Variants in ARMC2 observed in about 807,000 individuals in gnomAD.
ARMC2 encodes armadillo repeat containing 2, also known as armadillo repeat-containing protein 2.
In ARMC2, 67 loss-of-function variants were observed where a neutral mutation model predicts 90.3. That is an observed-to-expected ratio of 0.74 (90% CI 0.61 to 0.91). The LOEUF (loss-of-function observed/expected upper bound fraction) is 0.91, where lower values mean the gene tolerates loss of function less well. Among genes scored for constraint, ARMC2 ranks in the 40% least tolerant of loss-of-function variants. ARMC2 has a pLI of 0.00. For missense variants in ARMC2, 920 were observed against 1,030.9 expected, an observed-to-expected ratio of 0.89 and a Z score of 1.47; for synonymous variants, 393 against 393.0, an observed-to-expected ratio of 1.00 and a Z score of 0.00.
intron 7 of ARMC2, among the ~76,000 whole-genome samples, chr6:108,900,319 C>T (rs1771996872): frequency 6.6e-6 from 1 of 152,228 alleles, no homozygotes; most frequent in African/African-American, 2.4e-5. Context: ...CTCTGAACTG[C>T]CCCAGAAGTG....
intron 12 of ARMC2, among the ~76,000 whole-genome samples, chr6:108,952,210 A>G (rs1414158414): frequency 6.6e-6 from 1 of 152,230 alleles, no homozygotes; most frequent in Non-Finnish European, 1.5e-5. Context: ...CTGGACTCAT[A>G]TGTGGACATT....
At chr6:108,920,629 T>C (rs529725814) in intron 10 of ARMC2, among the ~76,000 whole-genome samples, 1 of 152,208 alleles carries the variant, frequency 6.6e-6, no homozygotes, top group East Asian at 1.9e-4. Context: ...CCTTGGGTTT[T>C]TTACTTGGAA....
At chr6:108,929,147 A>G (rs1003853515) in intron 11 of ARMC2, among the ~76,000 whole-genome samples, 4 of 151,768 alleles carry the variant, frequency 2.6e-5, no homozygotes, top group African/African-American at 7.3e-5. Flanking sequence ...TTCCCTCCAG[A>G]TCTGATCTTT....
At chr6:109,007,720 TAACA>T in the ARMC2 span, among the ~76,000 whole-genome samples, 497 of 150,032 alleles carry the variant, frequency 3.3e-3, no homozygotes, top group African/African-American at 9.8e-3. Flanking sequence ...CAAAATGTAC[TAACA>T]ATTATGTTAA....
chr6:108,971,764 A>C (rs539363539), intron 17 of ARMC2, among the ~76,000 whole-genome samples: 1 of 152,132 alleles, frequency 6.6e-6, no homozygotes, highest in South Asian at 2.1e-4. Context: ...TCTACTAAAA[A>C]GAAAAAATTA....
intron 17 of ARMC2, among the ~76,000 whole-genome samples, chr6:108,967,565 C>T (rs993047152): frequency 6.6e-6 from 1 of 152,152 alleles, no homozygotes; most frequent in South Asian, 2.1e-4. Flanking sequence ...AACACAGATG[C>T]CCAAGTGCCT....
At chr6:109,032,809 G>A in the ARMC2 span, among the ~76,000 whole-genome samples, 1 of 152,126 alleles carries the variant, frequency 6.6e-6, no homozygotes, top group African/African-American at 2.4e-5. Context: ...GGCTAAGATA[G>A]GAAGATATAC....
intron 12 of ARMC2, among the ~76,000 whole-genome samples, chr6:108,941,016 G>A (rs1776393162): frequency 6.6e-6 from 1 of 152,164 alleles, no homozygotes; most frequent in Non-Finnish European, 1.5e-5. Context: ...TAGCTACTTA[G>A]AAGGCTAAGG....
chr6:109,017,979 C>T, the ARMC2 span, among the ~76,000 whole-genome samples: 5 of 152,238 alleles, frequency 3.3e-5, no homozygotes, highest in Non-Finnish European at 7.4e-5. Context: ...CTAGCCTGGG[C>T]AACATGGCGA....
At chr6:109,046,382 G>C in the ARMC2 span, among the ~76,000 whole-genome samples, 3 of 151,572 alleles carry the variant, frequency 2.0e-5, no homozygotes, top group Non-Finnish European at 2.9e-5. Context: ...CGTTCACTCA[G>C]TGCTCAATGG....
chr6:109,028,208 A>C, the ARMC2 span, among the ~76,000 whole-genome samples: 4 of 152,222 alleles, frequency 2.6e-5, no homozygotes, highest in African/African-American at 9.7e-5. Flanking sequence ...AGATCATATA[A>C]ATTTTATGAT....
At position 108,929,904 on chromosome 6, in the gene ARMC2, C is replaced by T. The variant is rs190224916; in HGVS notation, c.1496+1671C>T. Among the ~76,000 whole-genome samples, 19 of 152,218 alleles carry T rather than the reference C, an allele frequency of 1.2e-4. No homozygotes were observed. The East Asian group carries it at 3.3e-3, about 26-fold the overall frequency. ...GGGTGGATCACTTAAGCCCAAGAAT[C>T]TGAGATCAGCCTGGGCAACATGGCG... is the stretch of plus-strand genomic sequence containing the variant. On this transcript the variant is annotated intron_variant, in intron 11 of 17. Transcript: ENST00000392644.
chr6:109,032,619 T>TGGG, the ARMC2 span, among the ~76,000 whole-genome samples: 7 of 147,834 alleles, frequency 4.7e-5, no homozygotes, highest in African/African-American at 1.8e-4. Flanking sequence ...CTTCATCTCG[T>TGGG]GGGGGGAGTG....
At chr6:109,035,227 G>C in the ARMC2 span, among the ~76,000 whole-genome samples, 1 of 151,818 alleles carries the variant, frequency 6.6e-6, no homozygotes, top group African/African-American at 2.4e-5. Context: ...CCCCAAAACA[G>C]CATTCATTTG....
the ARMC2 span, among the ~76,000 whole-genome samples, chr6:109,029,394 G>A: frequency 4.6e-5 from 7 of 152,278 alleles, no homozygotes; most frequent in East Asian, 1.4e-3. Flanking sequence ...AGAGAAGCAG[G>A]AATGATTTTG....
At chr6:108,998,825 TATTTA>T in the ARMC2 span, 78 of 1,467,180 alleles carry the variant, frequency 5.3e-5, no homozygotes, top group Admixed American at 1.7e-3. Context: ...TTCATTTTAG[TATTTA>T]ATTTATTGAA....
chr6:108,948,587 G>C (rs117228343), intron 12 of ARMC2, among the ~76,000 whole-genome samples: 1 of 150,314 alleles, frequency 6.7e-6, no homozygotes, highest in Non-Finnish European at 1.5e-5. Flanking sequence ...AGTTGGCACC[G>C]CGGCTGCCAG....
chr6:109,009,449 G>GGCC, the ARMC2 span: 1 of 1,340,120 alleles, frequency 7.5e-7, no homozygotes, highest in Non-Finnish European at 9.6e-7. Flanking sequence ...TCGCGGCGGC[G>GGCC]GCCAAGCGCA....
the ARMC2 span, among the ~76,000 whole-genome samples, chr6:108,983,973 G>T: frequency 1.3e-5 from 2 of 152,292 alleles, no homozygotes; most frequent in South Asian, 4.1e-4. Flanking sequence ...GGTGAGTTGT[G>T]GGCAAGCAAG....
Sources: gnomAD v4.1 joint callset for allele counts (sites outside exome capture counted in the v4.1 genomes callset) on GRCh38, gnomAD v4.1.1 for gene constraint, MANE v1.5 for transcripts, NCBI Gene and HGNC (gene_info 2026-07-23, HGNC 2026-07-21) for gene names.